SLC10A7: variants seen among roughly 807,000 people sequenced by gnomAD.
SLC10A7 encodes the protein sodium/bile acid cotransporter 7.
Under a neutral mutation model 43.2 loss-of-function variants are expected in SLC10A7, and 29 were observed. The ratio of observed to expected loss-of-function variants is 0.67; its 90% CI spans 0.50 to 0.92. SLC10A7 has a LOEUF of 0.92. SLC10A7 is among the 40% of genes least tolerant of loss of function. The probability of loss-of-function intolerance (pLI) is 0.00; values close to 1 mark genes in which losing one functional copy is unlikely to be tolerated. For synonymous variants in SLC10A7, 152 were observed against 144.8 expected (o/e 1.05, Z -0.35); for missense variants, 295 against 403.2 (o/e 0.73, Z 2.30).
At chr4:146,348,091 G>A (rs997678561) in intron 5 of SLC10A7, among the ~76,000 whole-genome samples, 1 of 151,968 alleles carries the variant, frequency 6.6e-6, no homozygotes, top group African/African-American at 2.4e-5. Flanking sequence ...AATAACTAAT[G>A]GGGGTCACCA....
chr4:146,516,973 AAATTT>A, intron 2 of SLC10A7, 60 bp downstream of exon 2: 7 of 1,268,872 alleles, frequency 5.5e-6, no homozygotes, highest in Non-Finnish European at 7.7e-6. Flanking sequence ...AAGGACTCTT[AAATTT>A]AAGTAAGTAC....
In SLC10A7 at chr4:146,357,195, G is replaced by T. The variant is rs75249562; in HGVS notation, c.436-31199C>A. On this transcript the variant is annotated intron_variant, in intron 5 of 11. Coordinates refer to ENST00000335472, the MANE Select transcript of SLC10A7 (RefSeq NM_001029998.6). ...CATTTGCACATGTATATTTCTGTAT[G>T]TGCATAATTCATTTCTATTTTATTT... Among the ~76,000 whole-genome samples, 1,031 of 152,270 alleles carry T rather than the reference G, an allele frequency of 6.8e-3. 15 individuals carry two copies. The highest frequency in any genetic ancestry group is 0.023 in the African/African-American group (974 of 41,540).
chr4:146,481,780 A>G (rs1734496306), intron 4 of SLC10A7, among the ~76,000 whole-genome samples: 1 of 152,114 alleles, frequency 6.6e-6, no homozygotes, highest in African/African-American at 2.4e-5. Context: ...ATCTCAAAAG[A>G]TCCTGAGCCC....
intron 5 of SLC10A7, among the ~76,000 whole-genome samples, chr4:146,327,889 C>A (rs1733257383): frequency 6.6e-6 from 1 of 151,192 alleles, no homozygotes; most frequent in Non-Finnish European, 1.5e-5. Context: ...GGCACATGTG[C>A]ACATCATCTG....
intron 4 of SLC10A7, among the ~76,000 whole-genome samples, chr4:146,460,411 A>G (rs1174006182): frequency 6.6e-6 from 1 of 152,028 alleles, no homozygotes; most frequent in African/African-American, 2.4e-5. Flanking sequence ...GTAATAGCTC[A>G]AAACTGGAAA....
At chr4:146,509,714 G>A (rs1737273679) in intron 3 of SLC10A7, among the ~76,000 whole-genome samples, 199 bp downstream of exon 3, 4 of 152,230 alleles carry the variant, frequency 2.6e-5, no homozygotes, top group East Asian at 3.9e-4. Context: ...AAGCATGAGG[G>A]TGTATCTTAA....
In SLC10A7 at chr4:146,295,249, C is replaced by CT. The variant is rs140370454; in HGVS notation, c.556-1155dup. 4.8e-3 allele frequency among the ~76,000 whole-genome samples: 724 copies of CT among 152,190 alleles called. 6 individuals carry two copies. The highest frequency in any genetic ancestry group is 0.017 in the African/African-American group (697 of 41,544). ...GAACTGACAGTGTATTAAAGGCAGT[C>CT]TTGGCAGAAAGCTGGCCAGCTGGTA... On this transcript the variant is annotated intron_variant, in intron 7 of 11. Coordinates refer to ENST00000335472, the MANE Select transcript of SLC10A7 (RefSeq NM_001029998.6).
At chr4:146,372,176 G>T (rs1447960875) in intron 5 of SLC10A7, among the ~76,000 whole-genome samples, 1 of 152,128 alleles carries the variant, frequency 6.6e-6, no homozygotes. Context: ...AAAGCTGGCT[G>T]GGTGCAGTAG....
intron 6 of SLC10A7, among the ~76,000 whole-genome samples, chr4:146,315,355 A>G (rs1227741473): frequency 6.6e-6 from 1 of 152,140 alleles, no homozygotes; most frequent in Middle Eastern, 3.2e-3. Context: ...AGACCATAAT[A>G]ATGGCTGCTA....
chr4:146,307,156 T>C (rs966452591), intron 6 of SLC10A7, among the ~76,000 whole-genome samples: 7 of 152,102 alleles, frequency 4.6e-5, no homozygotes, highest in African/African-American at 1.7e-4. Flanking sequence ...TCCGACACAT[T>C]GTATAAAATT....
intron 5 of SLC10A7, among the ~76,000 whole-genome samples, chr4:146,347,431 G>GT (rs2149737042): frequency 6.6e-6 from 1 of 152,226 alleles, no homozygotes; most frequent in African/African-American, 2.4e-5. Context: ...CTAAAACTTT[G>GT]TTTTTTAAAA....
chr4:146,257,817 C>T (rs910117018), intron 11 of SLC10A7, among the ~76,000 whole-genome samples: 5 of 152,194 alleles, frequency 3.3e-5, no homozygotes, highest in African/African-American at 1.2e-4. Context: ...GGCCCAAGAT[C>T]CATCCTTTGA....
chr4:146,346,731 A>G (rs1734649070), intron 5 of SLC10A7, among the ~76,000 whole-genome samples: 1 of 152,198 alleles, frequency 6.6e-6, no homozygotes, highest in Non-Finnish European at 1.5e-5. Flanking sequence ...CATGCTTAAG[A>G]ATATATCACA....
rs181398319 is a variant in SLC10A7 at position 146,341,545 on chromosome 4, A to C, written c.436-15549T>G. Among the ~76,000 whole-genome samples the C allele has an allele frequency of 2.2e-3, 331 of 151,910 alleles. 3 individuals carry two copies. Among genetic ancestry groups the C allele is most frequent in the African/African-American group, 7.6e-3 (316 of 41,520 alleles). On this transcript the variant is annotated intron_variant, in intron 5 of 11. Transcript: ENST00000335472. ...ATAAATAGGATAAAATTTCACCATA[A>C]TACATCTCATTATTACATAGTATTC...
intron 5 of SLC10A7, among the ~76,000 whole-genome samples, chr4:146,346,494 T>C (rs1383455051): frequency 6.6e-6 from 1 of 152,178 alleles, no homozygotes; most frequent in Non-Finnish European, 1.5e-5. Flanking sequence ...AATTCTATTT[T>C]TGAAAAAGAA....
intron 5 of SLC10A7, among the ~76,000 whole-genome samples, chr4:146,421,393 G>C (rs923385741): frequency 6.6e-6 from 1 of 152,056 alleles, no homozygotes; most frequent in African/African-American, 2.4e-5. Flanking sequence ...TTGTTCATCT[G>C]GGCTCAGAAC....
chr4:146,268,629 A>G (rs923709174), intron 10 of SLC10A7, among the ~76,000 whole-genome samples: 1 of 152,210 alleles, frequency 6.6e-6, no homozygotes, highest in Non-Finnish European at 1.5e-5. Flanking sequence ...GTGTACAAGC[A>G]TCAGCTCAAC....
chr4:146,458,927 A>C (rs1392978959), intron 4 of SLC10A7, among the ~76,000 whole-genome samples: 2 of 151,864 alleles, frequency 1.3e-5, no homozygotes, highest in African/African-American at 2.4e-5. Flanking sequence ...TTGGAAAGGA[A>C]TAAACCTGCC....
chr4:146,315,126 A>C (rs1043817965), intron 6 of SLC10A7, among the ~76,000 whole-genome samples: 1 of 152,102 alleles, frequency 6.6e-6, no homozygotes, highest in Non-Finnish European at 1.5e-5. Flanking sequence ...GAGACTGCAC[A>C]ACTTGTAGAG....
Sources: allele counts gnomAD v4.1 joint callset (sites outside exome capture counted in the v4.1 genomes callset), GRCh38; gene constraint gnomAD v4.1.1; transcripts MANE v1.5; gene names NCBI Gene and HGNC (gene_info 2026-07-23, HGNC 2026-07-21).